The following MTFR1 variants were observed in gnomAD, a reference collection of about 807,000 sequenced individuals.
MTFR1 encodes the protein mitochondrial fission regulator 1.
A neutral mutation model predicts 38.8 loss-of-function variants in MTFR1; 28 were observed. The ratio of observed to expected loss-of-function variants is 0.72; its 90% confidence interval spans 0.53 to 0.99. The LOEUF is 0.99. MTFR1 is among the 50% of genes least tolerant of loss of function. MTFR1 has a pLI of 0.00. For synonymous variants in MTFR1, 145 were observed against 137.0 expected (o/e 1.06, Z -0.41); for missense variants, 358 against 395.5 (o/e 0.91, Z 0.81).
chr8:65,759,442 T>TGCAGGCATATGGGCCATATCCCC, intron 3 of MTFR1, among the ~76,000 whole-genome samples: 1 of 152,202 alleles, frequency 6.6e-6, no homozygotes, highest in South Asian at 2.1e-4. Flanking sequence ...AGCCAGATAC[T>TGCAGGCATATGGGCCATATCCCC]GCAGGCATAT....
chr8:65,707,233 T>C lies in MTFR1; in HGVS notation c.741T>C (p.Ser247=), dbSNP rs1277061431. 3 of 1,614,086 alleles carry C rather than the reference T, an allele frequency of 1.9e-6. No homozygotes were observed. In the East Asian group the frequency reaches 6.7e-5, roughly 36 times the overall value. ...NMLEILKEMN[S]VKLRSVKRSE... is the part of the protein sequence containing the mutation. ...TAGAGATCCTTAAAGAGATGAACAG[T>C]GTAAAACTTCGGTCAGTGAAGAGGT... Residue 247 remains serine (S), a synonymous_variant, in exon 6 of 8, where the codon AGT becomes AGC. Transcript: ENST00000262146.
At chr8:65,681,062 G>A (rs1191978091) in intron 2 of MTFR1, among the ~76,000 whole-genome samples, 7 of 151,552 alleles carry the variant, frequency 4.6e-5, no homozygotes, top group African/African-American at 1.7e-4. Context: ...ACAGGCGCCC[G>A]CCACCGTGCC....
intron 4 of MTFR1, among the ~76,000 whole-genome samples, chr8:65,700,763 G>C (rs1255222811): frequency 6.6e-6 from 1 of 152,152 alleles, no homozygotes; most frequent in Non-Finnish European, 1.5e-5. Flanking sequence ...ATGTAAGATA[G>C]CTACATTATA....
intron 3 of MTFR1, among the ~76,000 whole-genome samples, chr8:65,685,444 A>G (rs1277786107): frequency 6.6e-6 from 1 of 152,234 alleles, no homozygotes; most frequent in Non-Finnish European, 1.5e-5. Context: ...GGGTAATTTC[A>G]CATTTTTCTC....
At chr8:65,712,558 T>C (rs1444799017), downstream of MTFR1, among the ~76,000 whole-genome samples, 2 of 152,208 alleles carry the variant, frequency 1.3e-5, no homozygotes, top group Non-Finnish European at 2.9e-5. Flanking sequence ...ATAGTAACCT[T>C]TGATTTAGCA....
At position 65,682,349 on chromosome 8, in the gene MTFR1, T is replaced by G; in HGVS notation, c.67-4T>G. ...TAAGCTTTCGGTTTTTCCTACTTCC[T>G]CAGGTACTTTGGTCTAGGAAGCCAT... On this transcript the variant is annotated splice_region_variant and splice_polypyrimidine_tract_variant and intron_variant, in intron 2 of 7. Transcript: ENST00000262146. 1 of 1,524,174 alleles carries G rather than the reference T, an allele frequency of 6.6e-7. No homozygotes were observed. The highest frequency in any genetic ancestry group is 1.4e-5 in the African/African-American group (1 of 71,560). 94.4% of individuals were successfully genotyped at this position (1,524,174 alleles called of 1,614,324 possible).
intron 1 of MTFR1, among the ~76,000 whole-genome samples, chr8:65,658,895 C>T (rs1809337100): frequency 6.6e-6 from 1 of 152,040 alleles, no homozygotes; most frequent in East Asian, 1.9e-4. Context: ...CAGGAAACAG[C>T]ACTGATGTAA....
chr8:65,717,677 T>C (rs1563465699), intron 2 of MTFR1: 2 of 152,138 alleles, frequency 1.3e-5, no homozygotes, highest in African/African-American at 2.4e-5. Context: ...ATGTCAAAGA[T>C]AAAAATATGA....
intron 2 of MTFR1, among the ~76,000 whole-genome samples, chr8:65,716,290 G>T (rs541049167): frequency 1.3e-5 from 2 of 152,260 alleles, no homozygotes; most frequent in Admixed American, 1.3e-4. Flanking sequence ...GAAATAGGAT[G>T]ATCTTTTCAG....
At chr8:65,771,084 T>C (rs1388182630) in exon 4 of MTFR1, 6 of 355,936 alleles carry the variant, frequency 1.7e-5, no homozygotes, top group Admixed American at 3.6e-5. Flanking sequence ...GTAGGAAATA[T>C]TGTGGCATCT....
rs1805835499 is a variant in MTFR1 at position 65,707,975 on chromosome 8, A to AAAG, written c.898_900dup (p.Lys300dup). 6 of 1,613,560 alleles carry AAAG rather than the reference A, an allele frequency of 3.7e-6. No individual in the cohort carries two copies. The highest frequency in any genetic ancestry group is 5.1e-6 in the Non-Finnish European group (6 of 1,179,938). On this transcript the variant is annotated inframe_insertion, in exon 7 of 8. Coordinates refer to ENST00000262146, the MANE Select transcript of MTFR1 (RefSeq NM_014637.4). ...AAGATGAAGTTGAAAAAGGAATTCC[A>AAAG]AAGTCTGAATCAGAGGCCACCTCAG...
intron 1 of MTFR1, among the ~76,000 whole-genome samples, chr8:65,647,767 AG>A (rs1186492614): frequency 2.6e-5 from 4 of 151,444 alleles, no homozygotes; most frequent in African/African-American, 9.7e-5. Context: ...TATATTTATT[AG>A]ATACTATTGA....
chr8:65,688,771 G>A (rs1319562113), intron 3 of MTFR1, among the ~76,000 whole-genome samples: 1 of 152,020 alleles, frequency 6.6e-6, no homozygotes, highest in Non-Finnish European at 1.5e-5. Context: ...TAGCATGGAA[G>A]CAACTGGTAA....
chr8:65,702,697 C>G (rs1805651789), intron 4 of MTFR1, among the ~76,000 whole-genome samples: 11 of 151,994 alleles, frequency 7.2e-5, no homozygotes, highest in Admixed American at 7.2e-4. Context: ...CAGTAGAAAT[C>G]ATTTTGGGAA....
chr8:65,745,958 C>T (rs1430838440), intron 3 of MTFR1, among the ~76,000 whole-genome samples: 1 of 147,516 alleles, frequency 6.8e-6, no homozygotes, highest in Non-Finnish European at 1.5e-5. Context: ...GGGTCTCACA[C>T]TCACTGTCAC....
chr8:65,723,872 C>G (rs17395878), intron 3 of MTFR1, among the ~76,000 whole-genome samples: 6,310 of 152,176 alleles, frequency 0.041, 194 homozygotes, highest in Non-Finnish European at 0.062. Flanking sequence ...AATATACAAC[C>G]TGAAAGGAAG....
chr8:65,735,042 A>C (rs1228728447), intron 3 of MTFR1: 4 of 617,644 alleles, frequency 6.5e-6, no homozygotes, highest in Non-Finnish European at 1.2e-5. Flanking sequence ...TAATCACCTC[A>C]CAACTCACAT....
At chr8:65,690,599 C>T (rs57672653) in intron 3 of MTFR1, among the ~76,000 whole-genome samples, 3,688 of 152,218 alleles carry the variant, frequency 0.024, 147 homozygotes, top group African/African-American at 0.082. Flanking sequence ...CCTCCCCACA[C>T]TTTGTTTCCT....
At chr8:65,718,483 A>G (rs1806235907) in intron 2 of MTFR1, 1 of 152,256 alleles carries the variant, frequency 6.6e-6, no homozygotes, top group Non-Finnish European at 1.5e-5. Context: ...ACAGTAGTGA[A>G]AACAACATGC....
Sources: allele counts gnomAD v4.1 joint callset (sites outside exome capture counted in the v4.1 genomes callset), GRCh38; gene constraint gnomAD v4.1.1; transcripts MANE v1.5; gene names NCBI Gene and HGNC (gene_info 2026-07-23, HGNC 2026-07-21).